EVI5: variants seen among roughly 807,000 people sequenced by gnomAD.
EVI5 encodes ecotropic viral integration site 5 protein homolog.
Under a neutral mutation model 112.0 loss-of-function variants are expected in EVI5, and 73 were observed. The ratio of observed to expected loss-of-function variants is 0.65; its 90% CI spans 0.54 to 0.79. EVI5 has a LOEUF of 0.79. EVI5 is among the 30% of genes least tolerant of loss of function. The pLI, the probability that EVI5 is intolerant of heterozygous loss-of-function variation, is 0.00. For missense variants in EVI5, 900 were observed against 968.8 expected (o/e 0.93, Z 0.94); for synonymous variants, 305 against 319.9 (o/e 0.95, Z 0.50).
chr1:92,634,952 C>G (rs755213185), intron 14 of EVI5, among the ~76,000 whole-genome samples: 1 of 152,168 alleles, frequency 6.6e-6, no homozygotes, highest in African/African-American at 2.4e-5. Flanking sequence ...CACTCCAGAC[C>G]CTGTTTGCCT....
rs756936041 is a variant in EVI5, at chr1:92,773,612, A to G, written c.-82+11224T>C. On this transcript the variant is annotated intron_variant, in intron 1 of 19. Coordinates refer to ENST00000684568, the MANE Select transcript of EVI5 (RefSeq NM_001350197.2). ...AGCTATGATCACACTACTGCACTCC[A>G]GCCTGGGAAACAGGGCAAGACCTCA... Among the ~76,000 whole-genome samples the G allele has an allele frequency of 1.2e-4, 18 of 152,210 alleles. 1 individual carries two copies. Among genetic ancestry groups the G allele is most frequent in the Non-Finnish European group, 2.4e-4 (16 of 68,028 alleles).
intron 19 of EVI5, among the ~76,000 whole-genome samples, chr1:92,535,535 C>A (rs1273987220): frequency 6.6e-6 from 1 of 151,978 alleles, no homozygotes; most frequent in East Asian, 1.9e-4. Flanking sequence ...TAGACTGGAT[C>A]AAGAAAATGT....
intron 1 of EVI5, chr1:92,784,244 T>G (rs1685294665): frequency 2.1e-6 from 2 of 947,274 alleles, no homozygotes; most frequent in Admixed American, 1.2e-4. Context: ...AACACCACAA[T>G]CCAACCTACC....
At chr1:92,634,993 A>G (rs540170477) in intron 14 of EVI5, among the ~76,000 whole-genome samples, 5 of 152,306 alleles carry the variant, frequency 3.3e-5, no homozygotes, top group East Asian at 3.9e-4. Flanking sequence ...GCAGAACAGC[A>G]GATATTTGGT....
At chr1:92,674,537 G>A (rs913274186) in intron 10 of EVI5, among the ~76,000 whole-genome samples, 1 of 152,092 alleles carries the variant, frequency 6.6e-6, no homozygotes, top group Non-Finnish European at 1.5e-5. Context: ...GGCCTGTCAG[G>A]GGGTGGAGGG....
At chr1:92,536,792 T>A (rs1248695586) in intron 19 of EVI5, among the ~76,000 whole-genome samples, 2 of 152,170 alleles carry the variant, frequency 1.3e-5, no homozygotes, top group Non-Finnish European at 2.9e-5. Flanking sequence ...GGAGACAATG[T>A]GCTGTGTGTC....
chr1:92,569,520 C>T (rs1020698901), intron 18 of EVI5, among the ~76,000 whole-genome samples: 1 of 152,098 alleles, frequency 6.6e-6, no homozygotes, highest in African/African-American at 2.4e-5. Context: ...CATTTACATG[C>T]GCTTATGTCT....
At chr1:92,559,699 G>A (rs1323987165) in intron 19 of EVI5, among the ~76,000 whole-genome samples, 5 of 150,372 alleles carry the variant, frequency 3.3e-5, no homozygotes, top group African/African-American at 7.4e-5. Flanking sequence ...GCTTGAACCC[G>A]GGAGGCAGAG....
intron 1 of EVI5, among the ~76,000 whole-genome samples, chr1:92,744,548 G>T (rs762269043): frequency 1.3e-5 from 2 of 151,258 alleles, no homozygotes; most frequent in African/African-American, 2.4e-5. Context: ...TCCTTCTTAA[G>T]TTTGCTTTGT....
intron 17 of EVI5, among the ~76,000 whole-genome samples, chr1:92,606,696 G>A (rs1650464001): frequency 6.6e-6 from 1 of 152,114 alleles, no homozygotes; most frequent in Non-Finnish European, 1.5e-5. Flanking sequence ...TAAGCTGATG[G>A]AATTACAGCT....
At chr1:92,780,677 T>C (rs1025026738) in intron 1 of EVI5, among the ~76,000 whole-genome samples, 1 of 151,954 alleles carries the variant, frequency 6.6e-6, no homozygotes, top group African/African-American at 2.4e-5. Context: ...GTATTTGCAA[T>C]AAATGGTGCT....
chr1:92,665,433 T>C (rs949304078), intron 11 of EVI5, among the ~76,000 whole-genome samples: 1 of 152,162 alleles, frequency 6.6e-6, no homozygotes, highest in African/African-American at 2.4e-5. Flanking sequence ...AACAAGTAGA[T>C]ACTAAAATAA....
At position 92,513,727 on chromosome 1, in the gene EVI5, T is replaced by C. The variant is rs1298391368; in HGVS notation, c.2410A>G (p.Arg804Gly). 1 of 1,613,774 alleles carries C rather than the reference T, an allele frequency of 6.2e-7. No homozygotes were observed. Among genetic ancestry groups the C allele is most frequent in the East Asian group, 2.2e-5 (1 of 44,886 alleles). Residue 804 changes from arginine to glycine, a missense_variant, in exon 20 of 20, where the codon AGA becomes GGA. Arg to Gly is a moderately radical substitution (Grantham distance 125). Coordinates refer to ENST00000684568, the MANE Select transcript of EVI5 (RefSeq NM_001350197.2). ...SETEDSVLET[R>G]ESNQVVQKER... The stretch of plus-strand genomic sequence containing the variant: ...TTTTGAACCACTTGGTTGCTCTCTC[T>C]GGTCTCCAGCACACTGTCTTCTGTT...
intron 2 of EVI5, among the ~76,000 whole-genome samples, chr1:92,710,880 G>A (rs77288540): frequency 0.013 from 1,986 of 152,296 alleles, 19 homozygotes; most frequent in Middle Eastern, 0.027. Flanking sequence ...CCTAATGGGT[G>A]GGACTGGGGA....
rs550048033 is a variant in EVI5, at chr1:92,759,858, C to G, written c.-81-23231G>C. On this transcript the variant is annotated intron_variant, in intron 1 of 19. Coordinates refer to ENST00000684568, the MANE Select transcript of EVI5 (RefSeq NM_001350197.2). ...TCATATTCATACATATACAAATACC[C>G]TCCCCCCCACATACATTTTGTCTAT... Among the ~76,000 whole-genome samples, 353 of 131,386 alleles carry G rather than the reference C, an allele frequency of 2.7e-3. 2 individuals are homozygous for G. Among genetic ancestry groups the G allele is most frequent in the African/African-American group, 8.9e-3 (333 of 37,288 alleles). 86.2% of individuals were successfully genotyped at this position (131,386 alleles called of 152,430 possible). A position where few individuals can be genotyped will look rare whatever the true frequency, so the allele number is the denominator to read the frequency against.
intron 18 of EVI5, among the ~76,000 whole-genome samples, chr1:92,583,047 TAC>T (rs1672202583): frequency 6.6e-6 from 1 of 152,180 alleles, no homozygotes; most frequent in Non-Finnish European, 1.5e-5. Flanking sequence ...TGCTTTTTAA[TAC>T]ATACAAATGG....
chr1:92,666,413 GGTGCGAATCT>G (rs1214841861), intron 10 of EVI5, among the ~76,000 whole-genome samples: 2 of 149,134 alleles, frequency 1.3e-5, no homozygotes, highest in African/African-American at 5.0e-5. Context: ...ACAGAATGGT[GGTGCGAATCT>G]GTCGTCCCAG....
intron 19 of EVI5, among the ~76,000 whole-genome samples, chr1:92,526,398 C>T (rs1006036158): frequency 2.6e-5 from 4 of 152,116 alleles, no homozygotes; most frequent in Non-Finnish European, 4.4e-5. Flanking sequence ...CACATGGTGT[C>T]ACATCTGAAA....
At chr1:92,750,683 T>C (rs141805567) in intron 1 of EVI5, among the ~76,000 whole-genome samples, 1 of 152,174 alleles carries the variant, frequency 6.6e-6, no homozygotes, top group Non-Finnish European at 1.5e-5. Flanking sequence ...CCCCTTACTT[T>C]TAATTTTTAC....
Sources: allele counts gnomAD v4.1 joint callset (sites outside exome capture counted in the v4.1 genomes callset), GRCh38; gene constraint gnomAD v4.1.1; transcripts MANE v1.5; gene names NCBI Gene and HGNC (gene_info 2026-07-23, HGNC 2026-07-21).